Variants in GLT8D2 observed in about 807,000 individuals in gnomAD.
The protein encoded by GLT8D2 is glycosyltransferase 8 domain containing 2.
In GLT8D2, 45 loss-of-function variants were observed where a neutral mutation model predicts 44.5. That is an observed-to-expected ratio of 1.01 (90% CI 0.80 to 1.30). The LOEUF (loss-of-function observed/expected upper bound fraction) is 1.30, where lower values mean the gene tolerates loss of function less well. Ranked by LOEUF, GLT8D2 falls within the 50% of genes most tolerant of loss-of-function variation. The probability of loss-of-function intolerance (pLI) is 0.00; values close to 1 mark genes in which losing one functional copy is unlikely to be tolerated. For missense variants in GLT8D2, 400 were observed against 430.4 expected (o/e 0.93, Z 0.62); for synonymous variants, 156 against 157.2 (o/e 0.99, Z 0.06).
At chr12:103,993,306 G>T in intron 10 of GLT8D2, 86 bp downstream of exon 10, 1 of 1,033,232 alleles carries the variant, frequency 9.7e-7, no homozygotes. Context: ...ACTCCAGCCT[G>T]GGCAGCAGAG....
At chr12:104,010,093 A>G (rs1875625647) in intron 4 of GLT8D2, among the ~76,000 whole-genome samples, 1 of 152,176 alleles carries the variant, frequency 6.6e-6, no homozygotes, top group African/African-American at 2.4e-5. Flanking sequence ...ATCATGTGAT[A>G]TGTTACCTGC....
chr12:104,034,849 C>G (rs1200318864), intron 1 of GLT8D2, among the ~76,000 whole-genome samples: 1 of 152,240 alleles, frequency 6.6e-6, no homozygotes, highest in East Asian at 1.9e-4. Context: ...TCAGTGGGTC[C>G]CTGACCCCCA....
chr12:104,056,085 T>G (rs1204145244), intron 1 of GLT8D2, among the ~76,000 whole-genome samples: 1 of 152,238 alleles, frequency 6.6e-6, no homozygotes, highest in African/African-American at 2.4e-5. Flanking sequence ...TTTTCTTCCT[T>G]GGCCCAGTTC....
chr12:103,990,620 T>C (rs1872639204), intron 10 of GLT8D2, among the ~76,000 whole-genome samples: 1 of 152,250 alleles, frequency 6.6e-6, no homozygotes, highest in Non-Finnish European at 1.5e-5. Context: ...AGGGTTGATT[T>C]GCTAGGGTTA....
intron 4 of GLT8D2, chr12:104,014,339 A>T (rs1312382059): frequency 1.5e-6 from 1 of 686,118 alleles, no homozygotes; most frequent in Non-Finnish European, 2.6e-6. Flanking sequence ...GGGGCAACAG[A>T]GTGAGATTCT....
chr12:104,057,904 A>C (rs1882315706), intron 1 of GLT8D2, among the ~76,000 whole-genome samples: 1 of 152,150 alleles, frequency 6.6e-6, no homozygotes, highest in South Asian at 2.1e-4. Flanking sequence ...CATTCTAATA[A>C]ATAATCAGTG....
Position 103,996,725 on chromosome 12 carries a change from A to C in GLT8D2, c.600+10T>G. On this transcript the variant is annotated intron_variant, in intron 8 of 10. Transcript: ENST00000360814. ...GTGAAGGGAGGATTTCTGAGACAGC[A>C]TATGCCCACCTGAAGTCCCACGAGT... The C allele has an allele frequency of 1.3e-6, 2 of 1,588,464 alleles. No homozygotes were observed. Among genetic ancestry groups the C allele is most frequent in the Non-Finnish European group, 1.7e-6 (2 of 1,158,542 alleles).
At chr12:103,996,997 G>T in intron 7 of GLT8D2, 150 bp from the exon 8 acceptor site, 1 of 595,592 alleles carries the variant, frequency 1.7e-6, no homozygotes, top group South Asian at 2.2e-5. Flanking sequence ...TTTATTAAGA[G>T]TCTTGCCTAC....
At chr12:104,018,153 G>A (rs1265026138) in intron 3 of GLT8D2, among the ~76,000 whole-genome samples, 7 of 151,868 alleles carry the variant, frequency 4.6e-5, no homozygotes, top group African/African-American at 1.7e-4. Context: ...GTATTTTTTA[G>A]TAGAAACGGG....
chr12:104,038,578 C>A (rs1163927258), intron 1 of GLT8D2, among the ~76,000 whole-genome samples: 2 of 152,102 alleles, frequency 1.3e-5, no homozygotes, highest in Non-Finnish European at 2.9e-5. Flanking sequence ...CCTAGGAATC[C>A]AACTTACAAG....
At chr12:103,992,825 A>G (rs1872930274) in intron 10 of GLT8D2, among the ~76,000 whole-genome samples, 1 of 152,172 alleles carries the variant, frequency 6.6e-6, no homozygotes, top group Non-Finnish European at 1.5e-5. Context: ...ATGTTTACTA[A>G]GCACATACTA....
In GLT8D2 at chr12:104,035,730, G is replaced by A. The variant is rs186298237; in HGVS notation, c.-164+14165C>T. ...AAAGTGACGGGGAGAATAGAATCAA[G>A]TTGGAAAACACTCTTCAGGATATTA... On this transcript the variant is annotated intron_variant, in intron 1 of 10. Transcript: ENST00000360814. Among the ~76,000 whole-genome samples the A allele has an allele frequency of 4.5e-3, 692 of 152,294 alleles. 8 individuals carry two copies. Among genetic ancestry groups the A allele is most frequent in the South Asian group, 0.033 (160 of 4,826 alleles).
rs561229714 is a variant in GLT8D2 at position 103,999,599 on chromosome 12, T to C, written c.285-85A>G. On this transcript the variant is annotated intron_variant, in intron 5 of 10. Coordinates refer to ENST00000360814, the MANE Select transcript of GLT8D2 (RefSeq NM_001384711.1). ...ATTGCCCCAAGGTCAATCTGTTGCC[T>C]CCCTAGAAAGTTAAAATTAAAATGT... The C allele has an allele frequency of 4.5e-5, 35 of 774,642 alleles. No homozygotes were observed. The African/African-American group carries it at 5.8e-4, about 13-fold the overall frequency. The allele number at this position is 774,642 out of a possible 1,614,324, so 48.0% of individuals were successfully genotyped here. A position where few individuals can be genotyped will look rare whatever the true frequency, so the allele number is the denominator to read the frequency against.
At chr12:104,041,160 T>C (rs1880508621) in intron 1 of GLT8D2, among the ~76,000 whole-genome samples, 1 of 151,962 alleles carries the variant, frequency 6.6e-6, no homozygotes, top group African/African-American at 2.4e-5. Flanking sequence ...ACCCCTGTAA[T>C]CCCAGCACTT....
chr12:104,003,522 G>T (rs1046629987), intron 4 of GLT8D2, among the ~76,000 whole-genome samples: 1 of 152,162 alleles, frequency 6.6e-6, no homozygotes, highest in Non-Finnish European at 1.5e-5. Flanking sequence ...CAACTCCCGT[G>T]CAGCTCTATA....
upstream of GLT8D2, chr12:104,050,383 A>G (rs1416025789): frequency 6.6e-6 from 1 of 152,262 alleles, no homozygotes; most frequent in Non-Finnish European, 1.5e-5. Context: ...AAAGAACACC[A>G]GTGAAAAATA....
chr12:103,993,723 G>C (rs1034145855), intron 9 of GLT8D2: 2 of 410,160 alleles, frequency 4.9e-6, no homozygotes, highest in Admixed American at 4.0e-5. Context: ...GAGTAACAGT[G>C]TTAATATTTT....
chr12:104,041,398 A>G (rs1397809460), intron 1 of GLT8D2, among the ~76,000 whole-genome samples: 1 of 152,182 alleles, frequency 6.6e-6, no homozygotes, highest in East Asian at 1.9e-4. Context: ...TGGGCGACAG[A>G]AAGAGACTCT....
chr12:104,022,408 C>CATT, intron 1 of GLT8D2, among the ~76,000 whole-genome samples: 1 of 152,058 alleles, frequency 6.6e-6, no homozygotes, highest in South Asian at 2.1e-4. Context: ...TTGTTATACA[C>CATT]GATTAAAGTA....
Sources: allele counts gnomAD v4.1 joint callset (sites outside exome capture counted in the v4.1 genomes callset), GRCh38; gene constraint gnomAD v4.1.1; transcripts MANE v1.5; gene names NCBI Gene and HGNC (gene_info 2026-07-23, HGNC 2026-07-21).